The following SNTG2 variants were observed in gnomAD, a reference collection of about 807,000 sequenced individuals.
The protein encoded by SNTG2 is syntrophin gamma 2, also known as gamma-2-syntrophin.
A neutral mutation model predicts 70.9 loss-of-function variants in SNTG2; 74 were observed. The observed-to-expected ratio is 1.04, with a 90% CI of 0.86 to 1.27. The LOEUF is 1.27. SNTG2 is among the 50% of genes most tolerant of loss of function. SNTG2 has a pLI of 0.00. For missense variants in SNTG2, 717 were observed against 690.7 expected, an observed-to-expected ratio of 1.04 and a Z score of -0.43; for synonymous variants, 278 against 273.8, an observed-to-expected ratio of 1.02 and a Z score of -0.15.
At position 1,194,278 on chromosome 2, in the gene SNTG2, T is replaced by C. The variant is rs781668175; in HGVS notation, c.592-14825T>C. Among the ~76,000 whole-genome samples, 146 of 151,962 alleles carry C rather than the reference T, an allele frequency of 9.6e-4. 2 individuals carry two copies. The highest frequency in any genetic ancestry group is 2.2e-4 in the Non-Finnish European group (15 of 67,992). On this transcript the variant is annotated intron_variant, in intron 8 of 16. Coordinates refer to ENST00000308624, the MANE Select transcript of SNTG2 (RefSeq NM_018968.4). ...GAAGCGCTGGGGATGCAGTCTAGAG[T>C]ATTGTCTTTCTCCGTGTCCTGCTGG...
intron 1 of SNTG2, among the ~76,000 whole-genome samples, chr2:981,698 C>G (rs552851703): frequency 7.8e-4 from 119 of 152,316 alleles, no homozygotes; most frequent in African/African-American, 2.5e-3. Flanking sequence ...CACACATATA[C>G]ACATGCACAC....
At chr2:1,192,319 G>A (rs1040595865) in intron 8 of SNTG2, among the ~76,000 whole-genome samples, 21 of 152,198 alleles carry the variant, frequency 1.4e-4, no homozygotes, top group African/African-American at 5.1e-4. Context: ...CGGGTGCCAA[G>A]ATCATTAGGG....
chr2:953,048 C>T (rs1288325792), intron 1 of SNTG2, among the ~76,000 whole-genome samples: 1 of 152,196 alleles, frequency 6.6e-6, no homozygotes, highest in Admixed American at 6.5e-5. Context: ...TTTTTTCTAT[C>T]TGAAGTCAAA....
intron 9 of SNTG2, among the ~76,000 whole-genome samples, chr2:1,233,612 A>G (rs1409214389): frequency 6.6e-6 from 1 of 152,228 alleles, no homozygotes; most frequent in Non-Finnish European, 1.5e-5. Flanking sequence ...GCTGTCCTCC[A>G]CAGGAGGTGG....
chr2:1,024,657 A>C (rs1242741986), intron 1 of SNTG2, among the ~76,000 whole-genome samples: 1 of 152,248 alleles, frequency 6.6e-6, no homozygotes, highest in Non-Finnish European at 1.5e-5. Flanking sequence ...TACAGGCATG[A>C]GCCACCGTGC....
chr2:1,252,603 G>A (rs1677832924), intron 12 of SNTG2, among the ~76,000 whole-genome samples: 1 of 152,186 alleles, frequency 6.6e-6, no homozygotes, highest in Non-Finnish European at 1.5e-5. Context: ...CTGACATAGA[G>A]AAGATGCTGC....
chr2:1,286,587 T>G (rs1331026047), intron 14 of SNTG2, among the ~76,000 whole-genome samples: 1 of 152,132 alleles, frequency 6.6e-6, no homozygotes, highest in Non-Finnish European at 1.5e-5. Flanking sequence ...AGTCCACGGA[T>G]GGTAGTCTTG....
At position 1,238,031 on chromosome 2, in the gene SNTG2, G is replaced by A. The variant is rs369454771; in HGVS notation, c.849+14G>A. The A allele has an allele frequency of 1.1e-5, 17 of 1,604,516 alleles. No individual in the cohort carries two copies. In the African/African-American group the frequency reaches 2.0e-4, roughly 19 times the overall value. On this transcript the variant is annotated intron_variant, in intron 10 of 16. Coordinates refer to ENST00000308624, the MANE Select transcript of SNTG2 (RefSeq NM_018968.4). ...ACACTTCAGAACGTGAGCACACGGT[G>A]TTTCTGAGTCTCTGCTGATGCTCAT... is the stretch of plus-strand genomic sequence containing the variant.
intron 6 of SNTG2, among the ~76,000 whole-genome samples, chr2:1,164,158 G>C (rs954033241): frequency 8.6e-5 from 13 of 152,028 alleles, no homozygotes; most frequent in African/African-American, 3.1e-4. Flanking sequence ...CCTGGCCTGG[G>C]AGGATGAAGT....
rs1661578182 is a variant in SNTG2, at chr2:993,643, C to T, written c.72+42575C>T. On this transcript the variant is annotated intron_variant, in intron 1 of 16. Coordinates refer to ENST00000308624, the MANE Select transcript of SNTG2 (RefSeq NM_018968.4). ...AAGAAAATTGTACCACTTGACATCC[C>T]CACCAGCAGTATATGAAAATTCCAG... 2.6e-5 allele frequency among the ~76,000 whole-genome samples: 4 copies of T among 152,148 alleles called. 1 individual carries two copies. In the South Asian group the frequency reaches 8.3e-4, roughly 32 times the overall value.
At chr2:991,004 T>G (rs1230508209) in intron 1 of SNTG2, among the ~76,000 whole-genome samples, 1 of 152,210 alleles carries the variant, frequency 6.6e-6, no homozygotes, top group Admixed American at 6.5e-5. Context: ...CTGACCTTTC[T>G]TTCAATCTCC....
intron 9 of SNTG2, among the ~76,000 whole-genome samples, chr2:1,216,012 C>T (rs1674366828): frequency 6.6e-6 from 1 of 152,166 alleles, no homozygotes; most frequent in Non-Finnish European, 1.5e-5. Flanking sequence ...CCACATTGAA[C>T]ATACGTGTGC....
At chr2:1,031,498 T>G (rs2148034427) in intron 1 of SNTG2, among the ~76,000 whole-genome samples, 1 of 122,720 alleles carries the variant, frequency 8.1e-6, no homozygotes. Context: ...TTTGTATATA[T>G]AGTTCATTGT....
At chr2:1,267,654 C>A in intron 14 of SNTG2, 83 bp downstream of exon 14, 2 of 1,250,758 alleles carry the variant, frequency 1.6e-6, no homozygotes, top group Non-Finnish European at 1.1e-6. Context: ...AGCAGTTTAT[C>A]GGGGGAAAAG....
chr2:1,168,867 T>A (rs1018985060), intron 7 of SNTG2, among the ~76,000 whole-genome samples: 4 of 152,098 alleles, frequency 2.6e-5, no homozygotes, highest in African/African-American at 9.7e-5. Flanking sequence ...AGGCGAATAT[T>A]CCCAGGGCCG....
At chr2:1,144,639 T>G (rs1300199427) in intron 6 of SNTG2, among the ~76,000 whole-genome samples, 3 of 152,188 alleles carry the variant, frequency 2.0e-5, no homozygotes, top group African/African-American at 7.2e-5. Flanking sequence ...AAGGCACATC[T>G]TACATGGTGG....
chr2:1,309,455 A>G (rs188622591), intron 15 of SNTG2, among the ~76,000 whole-genome samples: 1 of 152,224 alleles, frequency 6.6e-6, no homozygotes, highest in African/African-American at 2.4e-5. Context: ...GGGTCTCCCA[A>G]ACTGGTGGTT....
chr2:1,059,899 CA>C (rs754193157), intron 1 of SNTG2, among the ~76,000 whole-genome samples: 2 of 151,910 alleles, frequency 1.3e-5, no homozygotes, highest in South Asian at 4.2e-4. Context: ...TATATTGGAT[CA>C]GGGGTACAAA....
intron 9 of SNTG2, among the ~76,000 whole-genome samples, chr2:1,220,892 G>T (rs542144906): frequency 1.6e-4 from 24 of 152,300 alleles, no homozygotes; most frequent in Non-Finnish European, 2.9e-4. Flanking sequence ...GAATCAGGGT[G>T]GACCCACTGC....
Sources: allele counts gnomAD v4.1 joint callset (sites outside exome capture counted in the v4.1 genomes callset), GRCh38; gene constraint gnomAD v4.1.1; transcripts MANE v1.5; gene names NCBI Gene and HGNC (gene_info 2026-07-23, HGNC 2026-07-21).